The following GRM8 variants were observed in gnomAD, a reference collection of about 807,000 sequenced individuals.
GRM8 encodes metabotropic glutamate receptor 8.
In GRM8, 47 loss-of-function variants were observed where a neutral mutation model predicts 87.2. That is an observed-to-expected ratio of 0.54 (90% confidence interval 0.43 to 0.69). The LOEUF (loss-of-function observed/expected upper bound fraction) is 0.69. Ranked by LOEUF, GRM8 falls within the 30% of genes least tolerant of loss-of-function variation. The pLI is 0.00. For synonymous variants in GRM8, 396 were observed against 404.5 expected (o/e 0.98, Z 0.25); for missense variants, 1,019 against 1,139.2 (o/e 0.89, Z 1.52).
chr7:126,764,318 C>T (rs774363032), intron 7 of GRM8, among the ~76,000 whole-genome samples: 1 of 151,730 alleles, frequency 6.6e-6, no homozygotes, highest in South Asian at 2.1e-4. Flanking sequence ...AATATTTGTT[C>T]GATTTCTAGT....
At chr7:126,475,723 C>T (rs571599476) in intron 9 of GRM8, among the ~76,000 whole-genome samples, 6 of 152,180 alleles carry the variant, frequency 3.9e-5, no homozygotes, top group African/African-American at 1.4e-4. Flanking sequence ...AACTACATTA[C>T]AAAGCTATAG....
chr7:126,890,779 T>C (rs1300023940), intron 6 of GRM8, among the ~76,000 whole-genome samples: 2 of 152,026 alleles, frequency 1.3e-5, no homozygotes, highest in Non-Finnish European at 2.9e-5. Context: ...GCTCCACTTA[T>C]GGACAGTGAA....
chr7:126,919,562 A>G (rs983080999), intron 3 of GRM8, among the ~76,000 whole-genome samples: 2 of 151,916 alleles, frequency 1.3e-5, no homozygotes, highest in African/African-American at 4.8e-5. Context: ...GGTGCTAGGG[A>G]TCTGATGACC....
chr7:126,805,785 G>A (rs1329083170), intron 6 of GRM8, among the ~76,000 whole-genome samples: 2 of 152,090 alleles, frequency 1.3e-5, no homozygotes, highest in Non-Finnish European at 2.9e-5. Flanking sequence ...ATTCTTCTGT[G>A]TCGGACTGTC....
At chr7:127,055,326 G>A (rs1055091369) in intron 3 of GRM8, among the ~76,000 whole-genome samples, 2 of 152,130 alleles carry the variant, frequency 1.3e-5, no homozygotes, top group African/African-American at 4.8e-5. Flanking sequence ...ATCCAAAGAG[G>A]TCAAATGAGA....
In GRM8 at chr7:126,769,883, G is replaced by A. The variant is rs776267363; in HGVS notation, c.1339C>T (p.Arg447Trp). Residue 447 changes from arginine (R) to tryptophan (W), a missense_variant, in exon 7 of 11, where the codon CGG (arginine) becomes TGG (tryptophan). Transcript: ENST00000339582. ...IDGKELLGYI[R>W]AVNFNGSAGT... ...AACTTACCATTAAAATTTACAGCCCGAATATAACCAAGTAGCTCTTTCCCA... is the reference window on the plus strand; with the variant it reads ...AACTTACCATTAAAATTTACAGCCCAAATATAACCAAGTAGCTCTTTCCCA... The A allele has an allele frequency of 5.0e-6, 8 of 1,603,836 alleles. No individual in the cohort carries two copies. Among genetic ancestry groups the A allele is most frequent in the Non-Finnish European group, 6.8e-6 (8 of 1,173,150 alleles).
At chr7:126,752,524 C>T (rs1276326080) in intron 7 of GRM8, among the ~76,000 whole-genome samples, 1 of 152,040 alleles carries the variant, frequency 6.6e-6, no homozygotes, top group African/African-American at 2.4e-5. Flanking sequence ...AGTACAGACT[C>T]ATGTAGAAGA....
chr7:126,753,087 C>T (rs1249425730), intron 7 of GRM8, among the ~76,000 whole-genome samples: 5 of 151,930 alleles, frequency 3.3e-5, no homozygotes, highest in Non-Finnish European at 4.4e-5. Flanking sequence ...TGGCTATCGT[C>T]AGAGCAATGT....
chr7:126,454,308 C>G (rs769588842), intron 9 of GRM8, among the ~76,000 whole-genome samples: 34 of 151,544 alleles, frequency 2.2e-4, no homozygotes, highest in Non-Finnish European at 3.5e-4. Flanking sequence ...AAATTTTAGG[C>G]TAAATAATAA....
chr7:127,082,667 T>C (rs538777797), intron 3 of GRM8, among the ~76,000 whole-genome samples: 1 of 152,332 alleles, frequency 6.6e-6, no homozygotes, highest in East Asian at 1.9e-4. Flanking sequence ...CTGTTATTAG[T>C]CATTAACACT....
chr7:127,156,004 T>A (rs963392443), intron 2 of GRM8, among the ~76,000 whole-genome samples: 4 of 152,262 alleles, frequency 2.6e-5, no homozygotes, highest in African/African-American at 9.6e-5. Flanking sequence ...CAGAGCCCAT[T>A]GTTGTAAGAT....
chr7:126,442,592 T>A (rs979418436), intron 10 of GRM8, among the ~76,000 whole-genome samples: 1 of 152,012 alleles, frequency 6.6e-6, no homozygotes, highest in African/African-American at 2.4e-5. Context: ...GAAAAAGAAT[T>A]ATGGTTGAAA....
intron 3 of GRM8, among the ~76,000 whole-genome samples, chr7:126,925,940 C>G (rs1047104757): frequency 6.6e-6 from 1 of 152,122 alleles, no homozygotes; most frequent in Non-Finnish European, 1.5e-5. Context: ...ATTCTGTTTT[C>G]TGTATCCTTG....
chr7:127,248,741 G>A (rs1386552443), intron 1 of GRM8, among the ~76,000 whole-genome samples: 1 of 152,196 alleles, frequency 6.6e-6, no homozygotes, highest in Non-Finnish European at 1.5e-5. Flanking sequence ...TATGTTACTG[G>A]TGTATTGTAC....
chr7:126,735,684 A>G (rs1164838988), intron 7 of GRM8, among the ~76,000 whole-genome samples: 1 of 152,108 alleles, frequency 6.6e-6, no homozygotes, highest in Admixed American at 6.6e-5. Context: ...GCTATTTACT[A>G]TTGTAAAGAC....
chr7:126,996,010 T>A (rs967548898), intron 3 of GRM8, among the ~76,000 whole-genome samples: 7 of 152,142 alleles, frequency 4.6e-5, no homozygotes, highest in African/African-American at 1.4e-4. Flanking sequence ...AGCAGACTTT[T>A]CAGTAGAAAC....
At chr7:126,891,609 G>A (rs1430670160) in intron 6 of GRM8, among the ~76,000 whole-genome samples, 2 of 151,822 alleles carry the variant, frequency 1.3e-5, no homozygotes, top group East Asian at 1.9e-4. Flanking sequence ...CCACCCTCTG[G>A]TTAAAATAAT....
intron 9 of GRM8, among the ~76,000 whole-genome samples, chr7:126,492,345 C>G (rs540776388): frequency 1.2e-3 from 184 of 152,156 alleles, no homozygotes; most frequent in African/African-American, 3.8e-3. Context: ...GCCACTGCAC[C>G]TGGCCTATAA....
At chr7:126,941,877 G>A (rs1011014096) in intron 3 of GRM8, among the ~76,000 whole-genome samples, 1 of 152,088 alleles carries the variant, frequency 6.6e-6, no homozygotes, top group African/African-American at 2.4e-5. Flanking sequence ...CCTCAGGTGG[G>A]CCATAAATAT....
Sources: gnomAD v4.1 joint callset for allele counts (sites outside exome capture counted in the v4.1 genomes callset) on GRCh38, gnomAD v4.1.1 for gene constraint, MANE v1.5 for transcripts, NCBI Gene and HGNC (gene_info 2026-07-23, HGNC 2026-07-21) for gene names.